The following PRR16 variants were observed in gnomAD, a reference collection of about 807,000 sequenced individuals.
The protein encoded by PRR16 is proline rich 16.
Under a neutral mutation model 18.2 loss-of-function variants are expected in PRR16, and 6 were observed. The ratio of observed to expected loss-of-function variants is 0.33; its 90% CI spans 0.18 to 0.65. The LOEUF is 0.65. Among genes scored for constraint, PRR16 ranks in the 30% least tolerant of loss-of-function variants. The pLI, the probability that PRR16 is intolerant of heterozygous loss-of-function variation, is 0.74. For synonymous variants in PRR16, 151 were observed against 147.8 expected, an observed-to-expected ratio of 1.02 and a Z score of -0.16; for missense variants, 412 against 376.6, an observed-to-expected ratio of 1.09 and a Z score of -0.78.
At chr5:120,596,802 C>G (rs1453348747) in intron 1 of PRR16, among the ~76,000 whole-genome samples, 1 of 150,568 alleles carries the variant, frequency 6.6e-6, no homozygotes, top group Admixed American at 6.6e-5. Flanking sequence ...TGTATAAGTC[C>G]AAATAAAATA....
At chr5:120,734,870 A>G in the PRR16 span, among the ~76,000 whole-genome samples, 53 of 152,334 alleles carry the variant, frequency 3.5e-4, no homozygotes, top group African/African-American at 1.1e-3. Flanking sequence ...AAATGAAACA[A>G]TGTTTACATT....
the PRR16 span, among the ~76,000 whole-genome samples, chr5:120,745,865 A>ATTTTTTTTTT: frequency 7.8e-5 from 10 of 127,480 alleles, no homozygotes; most frequent in African/African-American, 2.7e-4. Flanking sequence ...CGCCCGGGTA[A>ATTTTTTTTTT]TTTTTTTTTT....
chr5:120,647,243 C>T (rs1368682458), intron 1 of PRR16, among the ~76,000 whole-genome samples: 2 of 151,706 alleles, frequency 1.3e-5, no homozygotes, highest in Non-Finnish European at 2.9e-5. Flanking sequence ...AACAATTATT[C>T]AGTTGTTGCC....
At chr5:120,720,097 GT>G in the PRR16 span, among the ~76,000 whole-genome samples, 3 of 151,820 alleles carry the variant, frequency 2.0e-5, no homozygotes, top group South Asian at 2.1e-4. Flanking sequence ...ATTTCATTTT[GT>G]CAACTGGTGG....
At chr5:120,790,484 G>GAA in the PRR16 span, 1 of 147,086 alleles carries the variant, frequency 6.8e-6, no homozygotes, top group Non-Finnish European at 1.5e-5. Context: ...AATGAACAGA[G>GAA]AAACATTGCA....
chr5:120,570,657 A>G (rs1477207278), intron 1 of PRR16, among the ~76,000 whole-genome samples: 3 of 152,140 alleles, frequency 2.0e-5, no homozygotes, highest in African/African-American at 4.8e-5. Context: ...CTCAATCCCA[A>G]CTAGACAATA....
chr5:120,598,815 T>A (rs941281314), intron 1 of PRR16, among the ~76,000 whole-genome samples: 1 of 151,966 alleles, frequency 6.6e-6, no homozygotes, highest in African/African-American at 2.4e-5. Context: ...CACATTTTTT[T>A]ATCCAATACC....
chr5:120,468,808 A>T (rs1407475419), intron 1 of PRR16, among the ~76,000 whole-genome samples: 1 of 152,214 alleles, frequency 6.6e-6, no homozygotes, highest in Non-Finnish European at 1.5e-5. Context: ...TTTAGTTTAG[A>T]CTTGTTATAA....
chr5:120,663,190 T>G (rs1756235726), intron 1 of PRR16, among the ~76,000 whole-genome samples: 1 of 150,906 alleles, frequency 6.6e-6, no homozygotes, highest in African/African-American at 2.4e-5. Flanking sequence ...CTGTACCAAG[T>G]CAAGATAAAA....
the PRR16 span, among the ~76,000 whole-genome samples, chr5:120,729,482 CTA>C: frequency 6.6e-6 from 1 of 152,088 alleles, no homozygotes; most frequent in Admixed American, 6.6e-5. Flanking sequence ...TTTTGGGTGT[CTA>C]TTATGCGGCC....
intron 1 of PRR16, among the ~76,000 whole-genome samples, chr5:120,619,921 A>C (rs777547552): frequency 2.0e-5 from 3 of 152,130 alleles, no homozygotes; most frequent in Non-Finnish European, 4.4e-5. Flanking sequence ...ATCAATGTTT[A>C]CGTAAAAATA....
the PRR16 span, among the ~76,000 whole-genome samples, chr5:120,780,966 C>T: frequency 6.6e-6 from 1 of 152,132 alleles, no homozygotes; most frequent in Non-Finnish European, 1.5e-5. Context: ...AGGAGAATTC[C>T]TTGAACTTGG....
chr5:120,695,300 TATC>T, the PRR16 span, among the ~76,000 whole-genome samples: 2 of 152,198 alleles, frequency 1.3e-5, no homozygotes, highest in Non-Finnish European at 2.9e-5. Flanking sequence ...TAAGTGGACT[TATC>T]AGTTATTAGA....
chr5:120,634,017 C>G (rs1043776789), intron 1 of PRR16, among the ~76,000 whole-genome samples: 1 of 151,980 alleles, frequency 6.6e-6, no homozygotes, highest in Non-Finnish European at 1.5e-5. Flanking sequence ...GGAACATTCT[C>G]TAAGATAAGC....
chr5:120,478,001 T>G (rs1749498070), intron 1 of PRR16, among the ~76,000 whole-genome samples: 1 of 152,204 alleles, frequency 6.6e-6, no homozygotes, highest in African/African-American at 2.4e-5. Context: ...CATCAGTTAT[T>G]TATATACCGA....
chr5:120,669,153 A>G (rs1416329937), intron 1 of PRR16, among the ~76,000 whole-genome samples: 3 of 152,174 alleles, frequency 2.0e-5, no homozygotes, highest in Admixed American at 6.6e-5. Context: ...GTGTGTGCTG[A>G]TGAACTCCTT....
intron 1 of PRR16, among the ~76,000 whole-genome samples, chr5:120,578,151 C>CTTAAAG (rs1753141675): frequency 2.6e-5 from 4 of 152,094 alleles, no homozygotes; most frequent in Non-Finnish European, 5.9e-5. Flanking sequence ...AGCAGTTTTT[C>CTTAAAG]CCCAGTTAAT....
intron 1 of PRR16, among the ~76,000 whole-genome samples, chr5:120,608,004 G>C (rs1432320832): frequency 6.6e-6 from 1 of 152,124 alleles, no homozygotes. Flanking sequence ...TCAAATCTAG[G>C]AGTTGTGATG....
intron 1 of PRR16, among the ~76,000 whole-genome samples, chr5:120,677,816 G>A (rs1255105908): frequency 6.6e-6 from 1 of 151,244 alleles, no homozygotes; most frequent in African/African-American, 2.4e-5. Flanking sequence ...TGCACTTAGT[G>A]CTATATGGAA....
Sources: allele counts gnomAD v4.1 joint callset (sites outside exome capture counted in the v4.1 genomes callset), GRCh38; gene constraint gnomAD v4.1.1; transcripts MANE v1.5; gene names NCBI Gene and HGNC (gene_info 2026-07-23, HGNC 2026-07-21).